Variants in GPM6B observed in about 807,000 individuals in gnomAD.
The protein encoded by GPM6B is glycoprotein M6B, also known as neuronal membrane glycoprotein M6-b.
GPM6B carries 4 observed loss-of-function variants against 27.2 expected under a neutral mutation model. The observed-to-expected ratio is 0.15, with a 90% CI of 0.07 to 0.34. GPM6B has a LOEUF of 0.34. Among genes scored for constraint, GPM6B ranks in the 10% least tolerant of loss-of-function variants. The pLI, the probability that GPM6B is intolerant of heterozygous loss-of-function variation, is 1.00. For missense variants in GPM6B, 183 were observed against 261.9 expected (o/e 0.70, Z 2.08); for synonymous variants, 124 against 103.1 (o/e 1.20, Z -1.23).
At chrX:13,792,975 AG>A (rs1274623341) in intron 2 of GPM6B, among the ~76,000 whole-genome samples, 2 of 104,956 alleles carry the variant, frequency 1.9e-5, no homozygotes, top group African/African-American at 3.5e-5. Flanking sequence ...GGTCTCTGCC[AG>A]GGGGATTCCA....
chrX:13,773,723 T>G (rs1040723257), intron 7 of GPM6B: 2 of 111,985 alleles, frequency 1.8e-5, no homozygotes, highest in African/African-American at 6.5e-5. Flanking sequence ...GCAAAATAAA[T>G]CTACATCTCA....
In GPM6B at chrX:13,874,455, T is replaced by G. The variant is rs553523006; in HGVS notation, c.-198+63872A>C. ...GCCCACGCCTATAATCTCAGCACTT[T>G]GGGAGGCTGAGATGGGTGGATCACT... is the stretch of plus-strand genomic sequence containing the variant. On this transcript the variant is annotated intron_variant, in intron 1 of 6. Transcript: ENST00000398361. Among the ~76,000 whole-genome samples the G allele has an allele frequency of 2.9e-4, 31 of 107,186 alleles. No individual in the cohort carries two copies. In the South Asian group the frequency reaches 0.011, roughly 38 times the overall value. 93.1% of individuals were successfully genotyped at this position (107,186 alleles called of 115,157 possible). A position where few individuals can be genotyped will look rare whatever the true frequency, so the allele number is the denominator to read the frequency against.
At chrX:13,913,509 G>A (rs1228574773) in intron 1 of GPM6B, among the ~76,000 whole-genome samples, 1 of 111,047 alleles carries the variant, frequency 9.0e-6, no homozygotes, top group Non-Finnish European at 1.9e-5. Context: ...TTAGGCCTCA[G>A]TGTTCAATGT....
upstream of GPM6B, among the ~76,000 whole-genome samples, chrX:13,820,859 AAAC>A (rs1164073546): frequency 9.0e-6 from 1 of 111,708 alleles, no homozygotes; most frequent in East Asian, 2.8e-4. Flanking sequence ...AATCAATGTT[AAAC>A]AACCAGGGAG....
In GPM6B at chrX:13,899,715, T is replaced by A. The variant is rs2050266136; in HGVS notation, c.-198+38612A>T. On this transcript the variant is annotated intron_variant, in intron 1 of 6. Coordinates refer to the GPM6B transcript ENST00000398361. ...CTCCAGATGGGCTGCTCCTCAGTGG[T>A]GACTCGCAGCCCAGTCACTTAGGAG... is the stretch of plus-strand genomic sequence containing the variant. 2.7e-5 allele frequency among the ~76,000 whole-genome samples: 3 copies of A among 110,950 alleles called. No homozygotes were observed. In the South Asian group the frequency reaches 1.2e-3, roughly 43 times the overall value.
At chrX:13,901,259 T>C (rs1418795485) in intron 1 of GPM6B, among the ~76,000 whole-genome samples, 2 of 110,308 alleles carry the variant, frequency 1.8e-5, no homozygotes, top group African/African-American at 6.6e-5. Context: ...GCAGAGAAAA[T>C]AGAAAATAAG....
chrX:13,780,692 C>T (rs752352774), intron 4 of GPM6B, among the ~76,000 whole-genome samples: 1 of 112,512 alleles, frequency 8.9e-6, no homozygotes, highest in Non-Finnish European at 1.9e-5. Context: ...TTCACCCACA[C>T]ACTGTCATGG....
chrX:13,917,748 A>G (rs1264041216), intron 1 of GPM6B, among the ~76,000 whole-genome samples: 1 of 112,408 alleles, frequency 8.9e-6, no homozygotes, highest in East Asian at 2.8e-4. Context: ...TTATTATGGC[A>G]TTATAGTTAC....
chrX:13,816,233 C>A (rs1384280776), intron 1 of GPM6B, among the ~76,000 whole-genome samples: 2 of 110,848 alleles, frequency 1.8e-5, no homozygotes, highest in African/African-American at 6.6e-5. Context: ...TTCTTCCCCC[C>A]AGTCTCCAAG....
At chrX:13,798,240 C>T (rs1307221879) in intron 2 of GPM6B, among the ~76,000 whole-genome samples, 4 of 110,340 alleles carry the variant, frequency 3.6e-5, no homozygotes, top group African/African-American at 1.3e-4. Flanking sequence ...GTGGTGAAAG[C>T]CAAGAGCCAC....
intron 1 of GPM6B, among the ~76,000 whole-genome samples, chrX:13,826,321 G>T (rs1462281406): frequency 1.8e-5 from 2 of 110,815 alleles, no homozygotes; most frequent in Non-Finnish European, 1.9e-5. Flanking sequence ...ATCCTGAGGG[G>T]AATGGGCCCC....
chrX:13,825,347 G>T (rs963460395), intron 1 of GPM6B, among the ~76,000 whole-genome samples: 3 of 112,181 alleles, frequency 2.7e-5, no homozygotes, highest in African/African-American at 9.7e-5. Flanking sequence ...CACCAGCAGA[G>T]AGGAACCTAT....
intron 1 of GPM6B, among the ~76,000 whole-genome samples, chrX:13,873,462 G>C (rs1375619016): frequency 8.9e-6 from 1 of 111,762 alleles, no homozygotes. Context: ...GTTCCTTTGA[G>C]GGTGATCAAA....
chrX:13,862,082 G>T (rs759569714), intron 1 of GPM6B, among the ~76,000 whole-genome samples: 2 of 111,174 alleles, frequency 1.8e-5, no homozygotes, highest in Non-Finnish European at 3.8e-5. Flanking sequence ...TGCAGGGGGT[G>T]TAGTGACAGG....
At chrX:13,856,692 AT>A (rs113873908) in intron 1 of GPM6B, among the ~76,000 whole-genome samples, 38 of 93,162 alleles carry the variant, frequency 4.1e-4, no homozygotes, top group African/African-American at 4.9e-4. Context: ...CTGCACCTTT[AT>A]TTTTTTTTTT....
At chrX:13,776,465 C>T (rs901188939) in intron 6 of GPM6B, among the ~76,000 whole-genome samples, 162 bp from the exon 7 acceptor site, 2 of 111,589 alleles carry the variant, frequency 1.8e-5, no homozygotes, top group Non-Finnish European at 3.8e-5. Flanking sequence ...TGGAATCACC[C>T]GAGGAGCTTT....
intron 2 of GPM6B, among the ~76,000 whole-genome samples, chrX:13,800,822 G>T (rs5978664): frequency 0.24 from 25,833 of 109,302 alleles, 2,489 homozygotes; most frequent in Middle Eastern, 0.3. Context: ...TCGCAGAGAG[G>T]GTAGGTGGGG....
At chrX:13,852,077 G>C (rs1400305770) in intron 1 of GPM6B, among the ~76,000 whole-genome samples, 2 of 111,003 alleles carry the variant, frequency 1.8e-5, no homozygotes, top group African/African-American at 6.6e-5. Flanking sequence ...AACACTACAG[G>C]TGCAGGGTCA....
chrX:13,820,824 C>A (rs996344764), upstream of GPM6B, among the ~76,000 whole-genome samples: 2 of 111,510 alleles, frequency 1.8e-5, no homozygotes, highest in African/African-American at 3.3e-5. Context: ...GGGCACATAG[C>A]GGGTTCTCAA....
Sources: allele counts gnomAD v4.1 joint callset (sites outside exome capture counted in the v4.1 genomes callset), GRCh38; gene constraint gnomAD v4.1.1; transcripts MANE v1.5; gene names NCBI Gene and HGNC (gene_info 2026-07-23, HGNC 2026-07-21).